PIEZO2: variants seen among roughly 807,000 people sequenced by gnomAD.
PIEZO2 encodes the protein piezo type mechanosensitive ion channel component 2, also known as piezo-type mechanosensitive ion channel component 2.
Under a neutral mutation model 337.3 loss-of-function variants are expected in PIEZO2, and 172 were observed. The observed-to-expected ratio is 0.51, with a 90% CI of 0.45 to 0.58. The LOEUF is 0.58. PIEZO2 is among the 20% of genes least tolerant of loss of function. The probability of loss-of-function intolerance (pLI) is 0.00; values close to 1 mark genes in which losing one functional copy is unlikely to be tolerated. For synonymous variants in PIEZO2, 1,251 were observed against 1,228.5 expected (o/e 1.02, Z -0.38); for missense variants, 3,028 against 3,391.3 (o/e 0.89, Z 2.66).
chr18:10,946,579 C>A (rs568533877), intron 3 of PIEZO2, among the ~76,000 whole-genome samples: 1 of 152,284 alleles, frequency 6.6e-6, no homozygotes, highest in Admixed American at 6.5e-5. Context: ...AAGACAGTGT[C>A]ATCAGGGTTG....
chr18:11,120,582 G>T (rs2040003562), intron 1 of PIEZO2, among the ~76,000 whole-genome samples: 1 of 152,190 alleles, frequency 6.6e-6, no homozygotes, highest in African/African-American at 2.4e-5. Context: ...ACACCATGGA[G>T]TTAAAGGACT....
chr18:10,959,932 C>G (rs2033694374), intron 3 of PIEZO2, among the ~76,000 whole-genome samples: 1 of 152,152 alleles, frequency 6.6e-6, no homozygotes, highest in Non-Finnish European at 1.5e-5. Flanking sequence ...TTCCTAAACA[C>G]TGACTCTTTT....
At chr18:10,901,416 TCACACACACACACGCACA>T (rs1273079410) in intron 4 of PIEZO2, among the ~76,000 whole-genome samples, 1 of 120,344 alleles carries the variant, frequency 8.3e-6, no homozygotes, top group Non-Finnish European at 1.7e-5. Context: ...CTACTTCTAT[TCACACACACACACGCACA>T]CACACACACA....
At chr18:10,825,671 C>G (rs976256507) in intron 7 of PIEZO2, among the ~76,000 whole-genome samples, 14 of 151,548 alleles carry the variant, frequency 9.2e-5, no homozygotes, top group Admixed American at 6.6e-5. Context: ...CTGCCTCAGC[C>G]TCCCAAGTAG....
At chr18:11,051,461 C>T (rs6505608) in intron 2 of PIEZO2, among the ~76,000 whole-genome samples, 1,797 of 151,936 alleles carry the variant, frequency 0.012, 40 homozygotes, top group African/African-American at 0.04. Flanking sequence ...TGTAGGACAA[C>T]GGCTAGTGTT....
chr18:11,020,207 T>A (rs534957566), intron 2 of PIEZO2, among the ~76,000 whole-genome samples: 59 of 152,332 alleles, frequency 3.9e-4, no homozygotes, highest in Non-Finnish European at 7.9e-4. Flanking sequence ...AGATTGTGAC[T>A]TTTAATTATG....
intron 2 of PIEZO2, among the ~76,000 whole-genome samples, chr18:11,051,534 A>G (rs2037537953): frequency 6.6e-6 from 1 of 152,076 alleles, no homozygotes; most frequent in Admixed American, 6.6e-5. Context: ...CCAATAAATA[A>G]CTGATTCTCC....
At chr18:10,950,903 C>T (rs774241887) in intron 3 of PIEZO2, among the ~76,000 whole-genome samples, 9 of 152,204 alleles carry the variant, frequency 5.9e-5, no homozygotes, top group Non-Finnish European at 1.3e-4. Context: ...TAAAATCGCT[C>T]TGCAATTGCC....
chr18:10,808,622 A>G (rs926790063), intron 7 of PIEZO2, among the ~76,000 whole-genome samples: 6 of 152,244 alleles, frequency 3.9e-5, no homozygotes, highest in African/African-American at 1.4e-4. Context: ...AAGTTATGTC[A>G]TAACTTGTTC....
chr18:10,884,658 C>A (rs1263475210), intron 4 of PIEZO2, among the ~76,000 whole-genome samples: 2 of 152,194 alleles, frequency 1.3e-5, no homozygotes, highest in African/African-American at 2.4e-5. Context: ...GTCCTTCTAC[C>A]ACACTGGCAG....
intron 1 of PIEZO2, among the ~76,000 whole-genome samples, chr18:11,103,713 T>C (rs1452901535): frequency 1.3e-5 from 2 of 151,932 alleles, no homozygotes; most frequent in African/African-American, 4.8e-5. Context: ...CAAGCACAAA[T>C]AAGAAAAGCA....
chr18:10,678,937 T>TC (rs1598345602), intron 52 of PIEZO2, among the ~76,000 whole-genome samples: 1 of 135,516 alleles, frequency 7.4e-6, no homozygotes, highest in East Asian at 1.9e-4. Flanking sequence ...CAATTTCTTT[T>TC]TTTTTTTTTT....
At chr18:10,822,921 T>C (rs1254194980) in intron 7 of PIEZO2, among the ~76,000 whole-genome samples, 1 of 152,160 alleles carries the variant, frequency 6.6e-6, no homozygotes, top group Non-Finnish European at 1.5e-5. Flanking sequence ...TCAACAAACT[T>C]TTGGAACTCA....
chr18:11,149,005 G>T lies in PIEZO2; in HGVS notation c.-417C>A, dbSNP rs2040883607. 6.6e-6 allele frequency among the ~76,000 whole-genome samples: 1 copy of T among 151,856 alleles called. No homozygotes were observed. Among genetic ancestry groups the T allele is most frequent in the Non-Finnish European group, 1.5e-5 (1 of 67,912 alleles). ...GAAGGGCGTGCTGTGCTCCCGCCTG[G>T]CTCCCGGGGCGTCGTTTGGGGGCGG... is the stretch of plus-strand genomic sequence containing the variant. On this transcript the variant is annotated 5_prime_UTR_variant, in exon 1 of 56. Coordinates refer to ENST00000674853, the MANE Select transcript of PIEZO2 (RefSeq NM_001378183.1). This position sits in a 1 kb window ranked among gnomAD's most constrained non-coding sequence, Gnocchi z 8.7.
At chr18:10,709,957 A>G (rs1487095425) in intron 39 of PIEZO2, among the ~76,000 whole-genome samples, 2 of 152,260 alleles carry the variant, frequency 1.3e-5, no homozygotes, top group East Asian at 3.8e-4. Context: ...TAAATTAGAA[A>G]AGCATTGGAC....
At chr18:10,816,943 CA>C (rs2040383010) in intron 7 of PIEZO2, among the ~76,000 whole-genome samples, 1 of 152,086 alleles carries the variant, frequency 6.6e-6, no homozygotes, top group Non-Finnish European at 1.5e-5. Context: ...GCTCATCAAG[CA>C]GAGGAATAAA....
chr18:10,892,853 A>G (rs943330265), intron 4 of PIEZO2, among the ~76,000 whole-genome samples: 3 of 152,260 alleles, frequency 2.0e-5, no homozygotes, highest in Non-Finnish European at 4.4e-5. Flanking sequence ...TAAACAAGCT[A>G]CATCTGTAAA....
chr18:10,785,345 G>C (rs1163327139), intron 16 of PIEZO2, among the ~76,000 whole-genome samples: 1 of 152,080 alleles, frequency 6.6e-6, no homozygotes, highest in Non-Finnish European at 1.5e-5. Flanking sequence ...CTCTCTTCCA[G>C]CTGTGCTTTC....
At chr18:10,887,994 A>G (rs2042656377) in intron 4 of PIEZO2, among the ~76,000 whole-genome samples, 1 of 152,130 alleles carries the variant, frequency 6.6e-6, no homozygotes, top group South Asian at 2.1e-4. Context: ...CTTTGTAAGG[A>G]TATATTCTGA....
Sources: allele counts gnomAD v4.1 joint callset (sites outside exome capture counted in the v4.1 genomes callset), GRCh38; gene constraint gnomAD v4.1.1; non-coding constraint Gnocchi (gnomAD v3.1); transcripts MANE v1.5; gene names NCBI Gene and HGNC (gene_info 2026-07-23, HGNC 2026-07-21).